The following MPRIP variants were observed in gnomAD, a reference collection of about 807,000 sequenced individuals.
MPRIP encodes the protein myosin phosphatase Rho-interacting protein.
Under a neutral mutation model 234.9 loss-of-function variants are expected in MPRIP, and 59 were observed. That is an observed-to-expected ratio of 0.25 (90% CI 0.20 to 0.31). The LOEUF (loss-of-function observed/expected upper bound fraction) is 0.31, where lower values mean the gene tolerates loss of function less well. MPRIP is among the 10% of genes least tolerant of loss of function. The probability of loss-of-function intolerance (pLI) is 1.00; values close to 1 mark genes in which losing one functional copy is unlikely to be tolerated. For synonymous variants in MPRIP, 1,144 were observed against 1,263.9 expected, an observed-to-expected ratio of 0.91 and a Z score of 2.01; for missense variants, 2,436 against 3,071.0, an observed-to-expected ratio of 0.79 and a Z score of 4.89.
intron 3 of MPRIP, among the ~76,000 whole-genome samples, chr17:17,124,733 G>A (rs1375370200): frequency 6.6e-6 from 1 of 152,232 alleles, no homozygotes; most frequent in African/African-American, 2.4e-5. Flanking sequence ...GGAGGTGGAG[G>A]TGGGGTGCGC....
chr17:17,051,186 G>A (rs1332292168), intron 1 of MPRIP, among the ~76,000 whole-genome samples: 1 of 152,192 alleles, frequency 6.6e-6, no homozygotes, highest in Non-Finnish European at 1.5e-5. Flanking sequence ...GGGGGAAGTA[G>A]CCTTTCTTTG....
At chr17:17,055,052 A>C (rs2088652367) in intron 1 of MPRIP, among the ~76,000 whole-genome samples, 1 of 151,554 alleles carries the variant, frequency 6.6e-6, no homozygotes, top group East Asian at 1.9e-4. Flanking sequence ...CCTGTATCAA[A>C]AAAAAAAAAA....
intron 1 of MPRIP, among the ~76,000 whole-genome samples, chr17:17,047,261 A>G (rs1285381366): frequency 6.6e-6 from 1 of 152,228 alleles, no homozygotes; most frequent in East Asian, 1.9e-4. Context: ...CCTGTGAGCC[A>G]TAGTTTGCTG....
intron 15 of MPRIP, among the ~76,000 whole-genome samples, chr17:17,162,534 A>G (rs551385621): frequency 5.9e-5 from 9 of 152,234 alleles, no homozygotes; most frequent in Admixed American, 1.3e-4. Context: ...CTCTTCTGCC[A>G]TAGTCATTGC....
At chr17:17,150,446 T>A (rs1336676972) in intron 12 of MPRIP, among the ~76,000 whole-genome samples, 1 of 152,246 alleles carries the variant, frequency 6.6e-6, no homozygotes, top group Non-Finnish European at 1.5e-5. Context: ...GACGTTAGTA[T>A]CTTTTTTCTG....
chr17:17,176,976 C>CA (rs1324304249), intron 21 of MPRIP, among the ~76,000 whole-genome samples: 1 of 152,226 alleles, frequency 6.6e-6, no homozygotes, highest in Non-Finnish European at 1.5e-5. Flanking sequence ...CTCAGGGCCA[C>CA]ACCAGGCTGG....
chr17:17,082,542 G>A (rs2089488621), intron 3 of MPRIP, among the ~76,000 whole-genome samples: 2 of 152,014 alleles, frequency 1.3e-5, no homozygotes, highest in Non-Finnish European at 2.9e-5. Flanking sequence ...TGATCCGCCC[G>A]CCTCGGCCTC....
rs1428188527 is a variant in MPRIP, at chr17:17,165,636, G to A, written c.4045G>A (p.Asp1349Asn). Residue 1349 changes from aspartate to asparagine, a missense_variant, in exon 16 of 24, where the codon GAC becomes AAC. Coordinates refer to ENST00000651222, the MANE Select transcript of MPRIP (RefSeq NM_001364716.4). ...EKTWTSSTSS[D>N]TSQDRSPSEE... The stretch of plus-strand genomic sequence containing the variant: ...GACCTGGACCAGCAGCACATCTTCC[G>A]ACACCAGCCAGGACCGGTCACCCTC... 16 of 1,304,918 alleles carry A rather than the reference G, an allele frequency of 1.2e-5. No homozygotes were observed. The highest frequency in any genetic ancestry group is 5.5e-5 in the East Asian group (1 of 18,036). The allele number at this position is 1,304,918 out of a possible 1,614,324, so 80.8% of individuals were successfully genotyped here. A position where few individuals can be genotyped will look rare whatever the true frequency, so the allele number is the denominator to read the frequency against.
rs534631011 is a variant in MPRIP at position 17,096,965 on chromosome 17, T to C, written c.267+18889T>C. The C allele has an allele frequency of 1.8e-3, 670 of 364,194 alleles. 3 individuals are homozygous for C. The highest frequency in any genetic ancestry group is 2.8e-3 in the Non-Finnish European group (496 of 179,174). The allele number at this position is 364,194 out of a possible 1,614,324, so 22.6% of individuals were successfully genotyped here. A position where few individuals can be genotyped will look rare whatever the true frequency, so the allele number is the denominator to read the frequency against. On this transcript the variant is annotated intron_variant, in intron 3 of 23. Transcript: ENST00000651222. ...CAGCCATCGCAGGGAGCATAAGCACTGAGACAGGCACACGTGCCTGCCCGG... is the reference window on the plus strand; with the variant it reads ...CAGCCATCGCAGGGAGCATAAGCACCGAGACAGGCACACGTGCCTGCCCGG...
intron 1 of MPRIP, among the ~76,000 whole-genome samples, chr17:17,060,346 G>A (rs953962762): frequency 2.6e-5 from 4 of 152,346 alleles, no homozygotes; most frequent in African/African-American, 9.6e-5. Context: ...CCTACCCCTG[G>A]GAGCACATCT....
At chr17:17,116,878 G>C (rs1487539397) in intron 3 of MPRIP, among the ~76,000 whole-genome samples, 2 of 152,238 alleles carry the variant, frequency 1.3e-5, no homozygotes, top group Non-Finnish European at 2.9e-5. Flanking sequence ...CCCAAGGCAA[G>C]GGCCAGAGAG....
At chr17:17,173,664 G>A (rs2046192883) in intron 18 of MPRIP, 1 of 628,290 alleles carries the variant, frequency 1.6e-6, no homozygotes, top group African/African-American at 1.8e-5. Flanking sequence ...GCTGCAGACT[G>A]GACTCTGTCC....
At chr17:17,043,528 T>A (rs2143789609) in intron 1 of MPRIP, among the ~76,000 whole-genome samples, 1 of 152,338 alleles carries the variant, frequency 6.6e-6, no homozygotes, top group Non-Finnish European at 1.5e-5. Flanking sequence ...ACCAGTTCCC[T>A]GGTCACTGGC....
chr17:17,154,123 T>C (rs921442615), intron 12 of MPRIP, among the ~76,000 whole-genome samples, 183 bp from the exon 13 acceptor site: 10 of 152,188 alleles, frequency 6.6e-5, no homozygotes, highest in African/African-American at 1.4e-4. Flanking sequence ...AGCTTTGACG[T>C]CTCCTGCTCT....
Position 17,184,816 on chromosome 17 carries a change from T to C in MPRIP, c.7207-7T>C. On this transcript the variant is annotated splice_region_variant and splice_polypyrimidine_tract_variant and intron_variant, in intron 23 of 23. Coordinates refer to ENST00000651222, the MANE Select transcript of MPRIP (RefSeq NM_001364716.4). Reference sequence around the variant, plus strand: ...TTATTTTCTCCTCCTGCTCTGTCTCTACCCAGAGTCTGAAGGAAGGCCTGA... The same window carrying C: ...TTATTTTCTCCTCCTGCTCTGTCTCCACCCAGAGTCTGAAGGAAGGCCTGA... 1 of 1,610,314 alleles carries C rather than the reference T, an allele frequency of 6.2e-7. No homozygotes were observed. The highest frequency in any genetic ancestry group is 8.5e-7 in the Non-Finnish European group (1 of 1,177,148).
intron 4 of MPRIP, 145 bp downstream of exon 4, chr17:17,126,998 C>T (rs995664517): frequency 2.1e-5 from 22 of 1,044,878 alleles, no homozygotes; most frequent in Admixed American, 5.1e-5. Context: ...TTCTCAACAC[C>T]GCTGTGTGCT....
chr17:17,113,054 C>T (rs1328637856), intron 3 of MPRIP, among the ~76,000 whole-genome samples: 1 of 152,142 alleles, frequency 6.6e-6, no homozygotes. Flanking sequence ...CTTGGGGACT[C>T]CCCAGGGTTG....
In MPRIP at chr17:17,186,105, C is replaced by T. The variant is rs2046470368; in HGVS notation, c.*1211C>T. ...ATGGCCCCATGAAAACCATTAATCC[C>T]ATTAAGATAGGGAGTATAAACCCCT... On this transcript the variant is annotated 3_prime_UTR_variant, in exon 24 of 24. Coordinates refer to ENST00000651222, the MANE Select transcript of MPRIP (RefSeq NM_001364716.4). The T allele has an allele frequency of 6.5e-6, 1 of 152,972 alleles. No individual in the cohort carries two copies. 9.5% of individuals were successfully genotyped at this position (152,972 alleles called of 1,614,324 possible).
intron 15 of MPRIP, among the ~76,000 whole-genome samples, chr17:17,163,532 G>A (rs1425445226): frequency 6.6e-6 from 1 of 152,136 alleles, no homozygotes; most frequent in Non-Finnish European, 1.5e-5. Flanking sequence ...GTAGAGATTA[G>A]TTCTTCCTGT....
Sources: gnomAD v4.1 joint callset for allele counts (sites outside exome capture counted in the v4.1 genomes callset) on GRCh38, gnomAD v4.1.1 for gene constraint, MANE v1.5 for transcripts, NCBI Gene and HGNC (gene_info 2026-07-23, HGNC 2026-07-21) for gene names.